TP63: variants seen among roughly 807,000 people sequenced by gnomAD.
TP63 encodes the protein tumor protein p63, also known as tumor protein 63.
In TP63, 17 loss-of-function variants were observed where a neutral mutation model predicts 82.8. That is an observed-to-expected ratio of 0.21 (90% CI 0.14 to 0.31). The LOEUF is 0.31. Ranked by LOEUF, TP63 falls within the 10% of genes least tolerant of loss-of-function variation. TP63 has a pLI of 1.00. For synonymous variants in TP63, 330 were observed against 321.7 expected (o/e 1.03, Z -0.28); for missense variants, 648 against 895.3 (o/e 0.72, Z 3.52).
At chr3:189,894,080 T>C in intron 13 of TP63, 126 bp from the exon 14 acceptor site, 1 of 1,251,408 alleles carries the variant, frequency 8.0e-7, no homozygotes, top group South Asian at 1.3e-5. Flanking sequence ...TTTTATTTTC[T>C]AATTTGTGGA....
At chr3:189,703,654 A>G (rs1717987607) in intron 1 of TP63, among the ~76,000 whole-genome samples, 1 of 152,216 alleles carries the variant, frequency 6.6e-6, no homozygotes. Context: ...TACATACTAT[A>G]CTAATACAGA....
intron 1 of TP63, among the ~76,000 whole-genome samples, chr3:189,632,010 C>T (rs1323515041): frequency 1.3e-5 from 2 of 151,976 alleles, no homozygotes; most frequent in Non-Finnish European, 2.9e-5. Flanking sequence ...CAGATTGTGG[C>T]TTGTCATTGC....
chr3:189,872,368 C>T lies in TP63; in HGVS notation c.1213-491C>T, dbSNP rs1296656620. ...TAACATCAGACTCGTGGCCAATTAG[C>T]CTTATAACTCATGCCTGAATAAAGT... On this transcript the variant is annotated intron_variant, in intron 9 of 13. Coordinates refer to ENST00000264731, the MANE Select transcript of TP63 (RefSeq NM_003722.5). Among the ~76,000 whole-genome samples the T allele has an allele frequency of 1.3e-5, 2 of 150,928 alleles. 1 individual carries two copies. Among genetic ancestry groups the T allele is most frequent in the Admixed American group, 1.3e-4 (2 of 15,100 alleles).
intron 1 of TP63, among the ~76,000 whole-genome samples, chr3:189,643,455 T>TAAAAAAAAA (rs71635306): frequency 8.1e-6 from 1 of 122,914 alleles, no homozygotes; most frequent in Non-Finnish European, 1.9e-5. Context: ...TTAAACTGAT[T>TAAAAAAAAA]AAAAAAAAAA....
chr3:189,796,948 G>T (rs1347985977), intron 3 of TP63, among the ~76,000 whole-genome samples: 1 of 152,054 alleles, frequency 6.6e-6, no homozygotes, highest in Non-Finnish European at 1.5e-5. Context: ...TTCGAGCTGA[G>T]ATGGCTTCAC....
chr3:189,802,411 C>CAGTT, intron 3 of TP63, among the ~76,000 whole-genome samples: 1 of 152,286 alleles, frequency 6.6e-6, no homozygotes, highest in East Asian at 1.9e-4. Context: ...AGAGAGAGAA[C>CAGTT]AGTTACCTTA....
At chr3:189,706,244 T>C (rs1322440371) in intron 1 of TP63, among the ~76,000 whole-genome samples, 1 of 152,102 alleles carries the variant, frequency 6.6e-6, no homozygotes. Context: ...ACTTACTTCT[T>C]TTTTTTATTT....
At chr3:189,695,975 A>C (rs61402357) in intron 1 of TP63, among the ~76,000 whole-genome samples, 1,633 of 152,262 alleles carry the variant, frequency 0.011, 25 homozygotes, top group African/African-American at 0.037. Flanking sequence ...GTTGTTTCAT[A>C]TATTTGTAAT....
At chr3:189,844,393 C>T (rs903602890) in intron 4 of TP63, 1 of 348,442 alleles carries the variant, frequency 2.9e-6, no homozygotes, top group Non-Finnish European at 5.9e-6. Flanking sequence ...TCAAGCGATT[C>T]TCCTTTCTCA....
intron 3 of TP63, among the ~76,000 whole-genome samples, chr3:189,742,823 T>C (rs1721098876): frequency 6.6e-6 from 1 of 152,228 alleles, no homozygotes; most frequent in South Asian, 2.1e-4. Flanking sequence ...TGTGTTTATG[T>C]GTTTTTATAA....
At chr3:189,618,010 A>G in the TP63 span, among the ~76,000 whole-genome samples, 3 of 152,214 alleles carry the variant, frequency 2.0e-5, no homozygotes, top group African/African-American at 7.2e-5. Flanking sequence ...CCCAATATAC[A>G]GTTACTCAAG....
chr3:189,665,078 C>T (rs968461005), intron 1 of TP63, among the ~76,000 whole-genome samples: 7 of 152,162 alleles, frequency 4.6e-5, no homozygotes, highest in African/African-American at 9.6e-5. Flanking sequence ...TCTTTTACTA[C>T]ATCTTACTAT....
At chr3:189,617,232 G>C in the TP63 span, among the ~76,000 whole-genome samples, 1 of 152,146 alleles carries the variant, frequency 6.6e-6, no homozygotes, top group South Asian at 2.1e-4. Context: ...TTGATGTAAC[G>C]CATACAGTGC....
At chr3:189,873,398 C>A in intron 10 of TP63, 1 of 293,208 alleles carries the variant, frequency 3.4e-6, no homozygotes, top group Non-Finnish European at 6.6e-6. Flanking sequence ...TGCACACTAT[C>A]CACTTTTGGG....
intron 1 of TP63, among the ~76,000 whole-genome samples, chr3:189,656,369 A>G (rs1713362555): frequency 6.6e-6 from 1 of 152,174 alleles, no homozygotes; most frequent in African/African-American, 2.4e-5. Flanking sequence ...TTTTACATAA[A>G]TAGAGGAGGC....
intron 13 of TP63, 149 bp from the exon 14 acceptor site, chr3:189,894,057 C>A: frequency 9.6e-7 from 1 of 1,043,718 alleles, no homozygotes; most frequent in Non-Finnish European, 1.4e-6. Context: ...GAGTTGAAGA[C>A]TCAGAGAACT....
In TP63 at chr3:189,894,398, C is replaced by T. The variant is rs1051829008; in HGVS notation, c.1939C>T (p.Arg647Cys). The change falls in exon 14 of 14, where the codon CGC becomes TGC. Residue 647 changes from arginine to cysteine, a missense_variant. Physicochemically the swap from Arg to Cys is radical, Grantham distance 180. Around this residue, in one of 5 missense-constraint regions of TP63, gnomAD observed 342 missense variants for 425.7 expected, o/e 0.80. Coordinates refer to ENST00000264731, the MANE Select transcript of TP63 (RefSeq NM_003722.5). ...TATTGATGCTGTGCGATTCACCCTCCGCCAGACCATCTCTTTCCCACCCCG... is the reference window on the plus strand; with the variant it reads ...TATTGATGCTGTGCGATTCACCCTCTGCCAGACCATCTCTTTCCCACCCCG... ...RVIDAVRFTL[R>C]QTISFPPRDE... 2 of 1,613,872 alleles carry T rather than the reference C, an allele frequency of 1.2e-6. No individual in the cohort carries two copies. Among genetic ancestry groups the T allele is most frequent in the Admixed American group, 1.7e-5 (1 of 59,984 alleles).
intron 10 of TP63, chr3:189,873,518 A>G (rs754228186): frequency 5.4e-4 from 96 of 177,026 alleles, no homozygotes; most frequent in Non-Finnish European, 8.5e-4. Context: ...ATAATTGGGG[A>G]AATATCTGGG....
chr3:189,709,990 G>C (rs914711953), intron 1 of TP63, among the ~76,000 whole-genome samples: 1 of 152,110 alleles, frequency 6.6e-6, no homozygotes, highest in Non-Finnish European at 1.5e-5. Context: ...TAAAGACACT[G>C]TAACCATATC....
Sources: allele counts gnomAD v4.1 joint callset (sites outside exome capture counted in the v4.1 genomes callset), GRCh38; gene constraint gnomAD v4.1.1; regional missense constraint gnomAD v4.1.1; transcripts MANE v1.5; gene names NCBI Gene and HGNC (gene_info 2026-07-23, HGNC 2026-07-21).